TOP1: variants seen among roughly 807,000 people sequenced by gnomAD.
TOP1 encodes the protein DNA topoisomerase I, also known as DNA topoisomerase 1.
TOP1 carries 10 observed loss-of-function variants against 111.1 expected under a neutral mutation model. That is an observed-to-expected ratio of 0.09 (90% confidence interval 0.06 to 0.15). The LOEUF is 0.15. Among genes scored for constraint, TOP1 ranks in the 10% least tolerant of loss-of-function variants. TOP1 has a pLI of 1.00. For synonymous variants in TOP1, 271 were observed against 302.9 expected (o/e 0.89, Z 1.10); for missense variants, 474 against 926.7 (o/e 0.51, Z 6.34).
chr20:41,073,375 A>G (rs2033689113), intron 3 of TOP1: 1 of 219,746 alleles, frequency 4.6e-6, no homozygotes. Context: ...GAAGACAATG[A>G]AAAAAAAAAA....
intron 9 of TOP1, among the ~76,000 whole-genome samples, chr20:41,093,926 G>A (rs1013395158): frequency 6.6e-6 from 1 of 152,108 alleles, no homozygotes; most frequent in African/African-American, 2.4e-5. Flanking sequence ...GGTGGTGCAC[G>A]CCTGTAGTCC....
At position 41,051,946 on chromosome 20, in the gene TOP1, G is replaced by T. The variant is rs184020106; in HGVS notation, c.59-9448G>T. On this transcript the variant is annotated intron_variant, in intron 2 of 20. Coordinates refer to ENST00000361337, the MANE Select transcript of TOP1 (RefSeq NM_003286.4). ...GTTAACATGTTTATAATTTCTTGGA[G>T]ATTAGCCAGGAATTCTGTTACAACT... 1.2e-3 allele frequency among the ~76,000 whole-genome samples: 187 copies of T among 152,258 alleles called. 2 individuals carry two copies. The highest frequency in any genetic ancestry group is 1.5e-4 in the Non-Finnish European group (10 of 68,006).
In TOP1 at chr20:41,097,239, C is replaced by T. The variant is rs1406544111; in HGVS notation, c.750C>T (p.Ser250=). The stretch of plus-strand genomic sequence containing the variant: ...CTCTAGGTAAAGTCATGAAGCTGAG[C>T]CCCAAAGCAGAGGAAGTAGCTACGT... The part of the protein sequence containing the change: ...FYYDGKVMKL[S]PKAEEVATFF... Residue 250 remains serine, a synonymous_variant, in exon 10 of 21, where the codon AGC becomes AGT. Transcript: ENST00000361337. The surrounding 1 kb of genome is among the most constrained non-coding windows in gnomAD (Gnocchi z 4.2). The T allele has an allele frequency of 1.2e-6, 2 of 1,613,976 alleles. No individual in the cohort carries two copies. Among genetic ancestry groups the T allele is most frequent in the Non-Finnish European group, 1.7e-6 (2 of 1,179,996 alleles).
rs887738153 is a variant in TOP1 at position 41,083,811 on chromosome 20, C to T, written c.508-651C>T. On this transcript the variant is annotated intron_variant, in intron 7 of 20. Coordinates refer to ENST00000361337, the MANE Select transcript of TOP1 (RefSeq NM_003286.4). This position sits in a 1 kb window ranked among gnomAD's most constrained non-coding sequence, Gnocchi z 7.2. ...TGTGTGTATGTTTTGAGATTCATCT[C>T]CTGTATTGGTGAATTGTGCCTGTTT... is the stretch of plus-strand genomic sequence containing the variant. 2.0e-5 allele frequency among the ~76,000 whole-genome samples: 3 copies of T among 152,062 alleles called. No individual in the cohort carries two copies. The highest frequency in any genetic ancestry group is 2.9e-5 in the Non-Finnish European group (2 of 67,992).
chr20:41,037,938 C>T (rs1036172519), intron 2 of TOP1, among the ~76,000 whole-genome samples: 1 of 151,854 alleles, frequency 6.6e-6, no homozygotes, highest in Non-Finnish European at 1.5e-5. Flanking sequence ...GGAATAGGGC[C>T]TAATTTTAAA....
Position 41,071,382 on chromosome 20 carries a change from A to G in TOP1, c.156-4789A>G, listed in dbSNP as rs906489588. The stretch of plus-strand genomic sequence containing the variant: ...TTTTTTTGAGATGGAGCCTCAGTCT[A>G]TCGCCAGGCTGGAGTGCAGTGGCGT... On this transcript the variant is annotated intron_variant, in intron 3 of 20. Transcript: ENST00000361337. This position sits in a 1 kb window ranked among gnomAD's most constrained non-coding sequence, Gnocchi z 4.3. Among the ~76,000 whole-genome samples the G allele has an allele frequency of 4.6e-5, 7 of 151,040 alleles. No individual in the cohort carries two copies. The highest frequency in any genetic ancestry group is 2.1e-4 in the South Asian group (1 of 4,786).
chr20:41,099,173 T>C (rs2034024389), intron 11 of TOP1, among the ~76,000 whole-genome samples: 1 of 152,218 alleles, frequency 6.6e-6, no homozygotes, highest in Admixed American at 6.5e-5. Flanking sequence ...TATAACTCAT[T>C]GTTTCATGGT....
Position 41,081,200 on chromosome 20 carries a change from A to G in TOP1, c.467A>G (p.Asp156Gly), listed in dbSNP as rs2033784428. 1 of 1,601,334 alleles carries G rather than the reference A, an allele frequency of 6.2e-7. No homozygotes were observed. Among genetic ancestry groups the G allele is most frequent in the African/African-American group, 1.3e-5 (1 of 74,468 alleles). Residue 156 changes from aspartate (D) to glycine (G), a missense_variant, in exon 7 of 21, where the codon GAT becomes GGT. Around this residue, in one of 14 missense-constraint regions of TOP1, gnomAD observed 185 missense variants for 226.3 expected, o/e 0.82. Transcript: ENST00000361337. ...AAACCTAAGAAAATTAAAACAGAAGATACCAAGAAGGAGAAGAAAAGAAAA... is the reference window on the plus strand; with the variant it reads ...AAACCTAAGAAAATTAAAACAGAAGGTACCAAGAAGGAGAAGAAAAGAAAA... ...DYKPKKIKTE[D>G]TKKEKKRKLE...
In TOP1 at chr20:41,122,445, A is replaced by G. The variant is rs1008124001; in HGVS notation, c.2195+290A>G. Among the ~76,000 whole-genome samples the G allele has an allele frequency of 6.6e-6, 1 of 151,102 alleles. No individual in the cohort carries two copies. The highest frequency in any genetic ancestry group is 2.4e-5 in the African/African-American group (1 of 41,440). ...TTCCTAATGGAACTTTAGGACAGGA[A>G]TGGAAACTCTTAGCTTCTGGAAGAA... On this transcript the variant is annotated intron_variant, in intron 20 of 20. Coordinates refer to ENST00000361337, the MANE Select transcript of TOP1 (RefSeq NM_003286.4). The surrounding 1 kb of genome is among the most constrained non-coding windows in gnomAD (Gnocchi z 5.4).
At chr20:41,044,652 A>G (rs1462157629) in intron 2 of TOP1, among the ~76,000 whole-genome samples, 1 of 152,208 alleles carries the variant, frequency 6.6e-6, no homozygotes, top group Non-Finnish European at 1.5e-5. Context: ...CAATAGGCAG[A>G]GTGGAGAGTG....
intron 17 of TOP1, among the ~76,000 whole-genome samples, chr20:41,117,636 C>T (rs935732158): frequency 1.3e-5 from 2 of 151,916 alleles, no homozygotes; most frequent in East Asian, 1.9e-4. Flanking sequence ...CCGCCCGCCT[C>T]GGCCTCCCAA....
At chr20:41,037,247 A>G (rs2033200933) in intron 2 of TOP1, among the ~76,000 whole-genome samples, 1 of 152,196 alleles carries the variant, frequency 6.6e-6, no homozygotes, top group Middle Eastern at 3.2e-3. Context: ...TAATTTCTCA[A>G]CCATTTAATA....
At chr20:41,055,012 T>C (rs2033453215) in intron 2 of TOP1, among the ~76,000 whole-genome samples, 1 of 152,194 alleles carries the variant, frequency 6.6e-6, no homozygotes, top group African/African-American at 2.4e-5. Flanking sequence ...TTGATTCCTG[T>C]TCTATCTGTT....
intron 2 of TOP1, among the ~76,000 whole-genome samples, chr20:41,048,683 G>A (rs2033364020): frequency 6.6e-6 from 1 of 152,198 alleles, no homozygotes; most frequent in Non-Finnish European, 1.5e-5. Context: ...GTCTGTTCTG[G>A]CTCTAATTGC....
In TOP1 at chr20:41,100,284, A is replaced by G; in HGVS notation, c.1163+41A>G. 1 of 1,543,502 alleles carries G rather than the reference A, an allele frequency of 6.5e-7. No individual in the cohort carries two copies. The highest frequency in any genetic ancestry group is 1.4e-5 in the African/African-American group (1 of 73,016). On this transcript the variant is annotated intron_variant, in intron 12 of 20. Coordinates refer to ENST00000361337, the MANE Select transcript of TOP1 (RefSeq NM_003286.4). This position sits in a 1 kb window ranked among gnomAD's most constrained non-coding sequence, Gnocchi z 4.4. Reference sequence around the variant, plus strand: ...ATCCTATGGGCCAAAAAGGGGGTGGAGGGCGTCCTTTATTGTACTTGGGAA... The same window carrying G: ...ATCCTATGGGCCAAAAAGGGGGTGGGGGGCGTCCTTTATTGTACTTGGGAA...
In TOP1 at chr20:41,071,173, TTCCCTACTGGC is replaced by T. The variant is rs2033664793; in HGVS notation, c.156-4989_156-4979del. ...GTGCTTCGCCAGAAGGGAGACATTG[TTCCCTACTGGC>T]TCCCTACTTCCACCGTTTCTCCCAC... On this transcript the variant is annotated intron_variant, in intron 3 of 20. Transcript: ENST00000361337. The surrounding 1 kb of genome is among the most constrained non-coding windows in gnomAD (Gnocchi z 4.3). Among the ~76,000 whole-genome samples, 1 of 152,148 alleles carries T rather than the reference TTCCCTACTGGC, an allele frequency of 6.6e-6. No homozygotes were observed. Among genetic ancestry groups the T allele is most frequent in the South Asian group, 2.1e-4 (1 of 4,830 alleles).
chr20:41,089,022 T>TAG (rs1432094739), intron 8 of TOP1, among the ~76,000 whole-genome samples: 1 of 86,762 alleles, frequency 1.2e-5, no homozygotes, highest in Non-Finnish European at 2.3e-5. Flanking sequence ...CCCCAGTTCT[T>TAG]TTTTTTTTTT....
chr20:41,086,494 A>G (rs2033850232), intron 8 of TOP1, among the ~76,000 whole-genome samples: 1 of 152,216 alleles, frequency 6.6e-6, no homozygotes, highest in African/African-American at 2.4e-5. Flanking sequence ...TGTTAAATGA[A>G]CAAATACATT....
Position 41,092,730 on chromosome 20 carries a change from G to T in TOP1, c.730+143G>T, listed in dbSNP as rs1475914439. On this transcript the variant is annotated intron_variant, in intron 9 of 20. Transcript: ENST00000361337. This position sits in a 1 kb window ranked among gnomAD's most constrained non-coding sequence, Gnocchi z 4.3. ...TATTGCCATGCAATTTTGAGGAAGG[G>T]GCATCAGGTGTTAACTCTTAAAGGC... The T allele has an allele frequency of 1.8e-6, 1 of 543,702 alleles. No individual in the cohort carries two copies. The highest frequency in any genetic ancestry group is 3.2e-6 in the Non-Finnish European group (1 of 308,828). 33.7% of individuals were successfully genotyped at this position (543,702 alleles called of 1,614,324 possible).
Sources: gnomAD v4.1 joint callset for allele counts (sites outside exome capture counted in the v4.1 genomes callset) on GRCh38, gnomAD v4.1.1 for gene constraint, gnomAD v4.1.1 regional missense constraint, Gnocchi (gnomAD v3.1) non-coding constraint, MANE v1.5 for transcripts, NCBI Gene and HGNC (gene_info 2026-07-23, HGNC 2026-07-21) for gene names.